PCDHGB5: variants seen among roughly 807,000 people sequenced by gnomAD.
PCDHGB5 encodes the protein protocadherin gamma-B5.
Under a neutral mutation model 62.9 loss-of-function variants are expected in PCDHGB5, and 48 were observed. The ratio of observed to expected loss-of-function variants is 0.76; its 90% CI spans 0.61 to 0.97. The LOEUF (loss-of-function observed/expected upper bound fraction) is 0.97. Ranked by LOEUF, PCDHGB5 falls within the 50% of genes least tolerant of loss-of-function variation. The pLI is 0.00. For synonymous variants in PCDHGB5, 474 were observed against 511.2 expected (o/e 0.93, Z 0.98); for missense variants, 1,118 against 1,198.6 (o/e 0.93, Z 0.99).
chr5:141,508,269 C>T (rs1459186158), intron 3 of PCDHGB5: 1 of 152,186 alleles, frequency 6.6e-6, no homozygotes, highest in East Asian at 1.9e-4. Flanking sequence ...GAGAAAATCC[C>T]GGTCCTTGAC....
At position 141,493,356 on chromosome 5, in the gene PCDHGB5, C is replaced by A. The variant is rs1303319550; in HGVS notation, c.2398-1451C>A. Among the ~76,000 whole-genome samples, 1 of 152,182 alleles carries A rather than the reference C, an allele frequency of 6.6e-6. No individual in the cohort carries two copies. The highest frequency in any genetic ancestry group is 2.4e-5 in the African/African-American group (1 of 41,438). On this transcript the variant is annotated intron_variant, in intron 1 of 3. Transcript: ENST00000617380. This position sits in a 1 kb window ranked among gnomAD's most constrained non-coding sequence, Gnocchi z 4.3. ...ACTCCAGAATGTGTGCTTTTAATTT[C>A]TTGGCACTTGGAACTTTAAAAGCTT...
At chr5:141,508,588 C>G (rs1721443459) in intron 3 of PCDHGB5, among the ~76,000 whole-genome samples, 1 of 152,176 alleles carries the variant, frequency 6.6e-6, no homozygotes, top group African/African-American at 2.4e-5. Context: ...GGGTGCTACT[C>G]AGAGATCTTG....
At chr5:141,439,472 A>G (rs1185561573) in intron 1 of PCDHGB5, among the ~76,000 whole-genome samples, 3 of 152,228 alleles carry the variant, frequency 2.0e-5, no homozygotes, top group Non-Finnish European at 4.4e-5. Flanking sequence ...GCTGCCTTTC[A>G]GCTTGCAAAT....
chr5:141,467,476 G>C (rs114088806), intron 1 of PCDHGB5, among the ~76,000 whole-genome samples: 1,866 of 152,156 alleles, frequency 0.012, 41 homozygotes, highest in African/African-American at 0.043. Flanking sequence ...CATGGTTTTT[G>C]GTTTCCACAT....
intron 1 of PCDHGB5, chr5:141,404,106 C>G: frequency 1.2e-6 from 2 of 1,613,428 alleles, no homozygotes; most frequent in Non-Finnish European, 1.7e-6. Flanking sequence ...GTTGTCTGTT[C>G]TATCCAGGAG....
At chr5:141,403,050 A>G in intron 1 of PCDHGB5, 2 of 1,614,060 alleles carry the variant, frequency 1.2e-6, no homozygotes, top group Non-Finnish European at 1.7e-6. Flanking sequence ...CAGATTCGCT[A>G]CTCAGTGCCT....
intron 2 of PCDHGB5, among the ~76,000 whole-genome samples, chr5:141,502,431 G>A (rs998074347): frequency 1.3e-5 from 2 of 151,948 alleles, no homozygotes; most frequent in African/African-American, 4.8e-5. Context: ...TTCTCTGATG[G>A]TTAGATTCAG....
At chr5:141,449,726 TTTTTTATGACATGATTA>T (rs2098653732) in intron 1 of PCDHGB5, among the ~76,000 whole-genome samples, 1 of 151,792 alleles carries the variant, frequency 6.6e-6, no homozygotes, top group Admixed American at 6.6e-5. Flanking sequence ...ATGATATGAT[TTTTTTATGACATGATTA>T]TTTTTATGAC....
In PCDHGB5 at chr5:141,486,474, C is replaced by T. The variant is rs1594589698; in HGVS notation, c.2398-8333C>T. On this transcript the variant is annotated intron_variant, in intron 1 of 3. Transcript: ENST00000617380. This position sits in a 1 kb window ranked among gnomAD's most constrained non-coding sequence, Gnocchi z 5.0. ...ACTGCTTCTGATGCTGGGAACCCTCCTCTCAGTACCCACAGAACTATTTTC... is the reference window on the plus strand; with the variant it reads ...ACTGCTTCTGATGCTGGGAACCCTCTTCTCAGTACCCACAGAACTATTTTC... 1 of 1,614,016 alleles carries T rather than the reference C, an allele frequency of 6.2e-7. No homozygotes were observed. Among genetic ancestry groups the T allele is most frequent in the South Asian group, 1.1e-5 (1 of 91,082 alleles).
At chr5:141,411,423 CA>C (rs200531177) in intron 1 of PCDHGB5, 3 of 147,666 alleles carry the variant, frequency 2.0e-5, no homozygotes, top group Admixed American at 6.8e-5. Context: ...ACAACAACAA[CA>C]AAAAAAAACA....
intron 1 of PCDHGB5, chr5:141,430,541 C>T: frequency 2.5e-6 from 1 of 392,344 alleles, no homozygotes; most frequent in Non-Finnish European, 4.5e-6. Flanking sequence ...ACTCTGAGCG[C>T]CGCTGTTCAC....
intron 1 of PCDHGB5, chr5:141,415,377 C>T (rs774655293): frequency 1.2e-6 from 2 of 1,614,118 alleles, no homozygotes; most frequent in African/African-American, 2.7e-5. Flanking sequence ...CTTCAGGAGG[C>T]GGCTTGACAG....
At chr5:141,414,508 C>T in intron 1 of PCDHGB5, 1 of 1,613,970 alleles carries the variant, frequency 6.2e-7, no homozygotes, top group Non-Finnish European at 8.5e-7. Context: ...CTTTATGCTA[C>T]AAGTGGCAGA....
chr5:141,421,077 A>G (rs975269359), intron 1 of PCDHGB5: 1 of 619,100 alleles, frequency 1.6e-6, no homozygotes, highest in Non-Finnish European at 2.7e-6. Context: ...TGAGATGGAT[A>G]CTCACAGATC....
At chr5:141,407,856 G>A (rs1038275806) in intron 1 of PCDHGB5, among the ~76,000 whole-genome samples, 2 of 152,210 alleles carry the variant, frequency 1.3e-5, no homozygotes, top group African/African-American at 4.8e-5. Context: ...ATGTACACCT[G>A]CATTTTCGAA....
intron 1 of PCDHGB5, among the ~76,000 whole-genome samples, chr5:141,447,600 T>G (rs769487703): frequency 6.6e-6 from 1 of 151,992 alleles, no homozygotes; most frequent in Non-Finnish European, 1.5e-5. Flanking sequence ...TCCTATAGAG[T>G]CCTTAGCATT....
intron 1 of PCDHGB5, among the ~76,000 whole-genome samples, chr5:141,464,444 T>C (rs2099084887): frequency 6.6e-6 from 1 of 151,634 alleles, no homozygotes; most frequent in East Asian, 1.9e-4. Context: ...TGTTTGTTGT[T>C]GTTGTTGTTA....
rs769092002 is a variant in PCDHGB5 at position 141,400,465 on chromosome 5, T to G, written c.2338T>G (p.Ser780Ala). The change falls in exon 1 of 4, where the codon TCA becomes GCA. Residue 780 changes from serine to alanine, a missense_variant. By Grantham distance (99) the Ser-to-Ala change is moderately conservative. Around this residue, in one of 2 missense-constraint regions of PCDHGB5, gnomAD observed 1,034 missense variants for 1,029.1 expected, o/e 1.00. Coordinates refer to ENST00000617380, the MANE Select transcript of PCDHGB5 (RefSeq NM_018925.3). ...AGGACAAGACATACTTTGTGGTGAT[T>G]CATCTGGGGCCTTATTTCCACTTTG... Reference protein sequence around the residue: ...SSGQDILCGDSSGALFPLCNS... With the variant: ...SSGQDILCGDASGALFPLCNS... The G allele has an allele frequency of 1.2e-6, 2 of 1,614,060 alleles. No individual in the cohort carries two copies. Among genetic ancestry groups the G allele is most frequent in the Admixed American group, 1.7e-5 (1 of 60,020 alleles).
intron 1 of PCDHGB5, chr5:141,418,727 C>T: frequency 6.2e-7 from 1 of 1,613,976 alleles, no homozygotes; most frequent in Non-Finnish European, 8.5e-7. Flanking sequence ...CAAAGCTCAG[C>T]ACGTGTTCTC....
Sources: gnomAD v4.1 joint callset for allele counts (sites outside exome capture counted in the v4.1 genomes callset) on GRCh38, gnomAD v4.1.1 for gene constraint, gnomAD v4.1.1 regional missense constraint, Gnocchi (gnomAD v3.1) non-coding constraint, MANE v1.5 for transcripts, NCBI Gene and HGNC (gene_info 2026-07-23, HGNC 2026-07-21) for gene names.